The following CCDC12 variants were observed in gnomAD, a reference collection of about 807,000 sequenced individuals.
The protein encoded by CCDC12 is coiled-coil domain containing 12.
A neutral mutation model predicts 25.7 loss-of-function variants in CCDC12; 28 were observed. That is an observed-to-expected ratio of 1.09 (90% CI 0.81 to 1.50). CCDC12 has a LOEUF of 1.50. Among genes scored for constraint, CCDC12 ranks in the 40% most tolerant of loss-of-function variants. The probability of loss-of-function intolerance (pLI) is 0.00; values close to 1 mark genes in which losing one functional copy is unlikely to be tolerated. For missense variants in CCDC12, 198 were observed against 210.0 expected (o/e 0.94, Z 0.35); for synonymous variants, 75 against 87.7 (o/e 0.86, Z 0.81).
chr3:46,930,281 G>T (rs1432787276), intron 2 of CCDC12, among the ~76,000 whole-genome samples: 1 of 152,192 alleles, frequency 6.6e-6, no homozygotes, highest in African/African-American at 2.4e-5. Context: ...AACATAAAGA[G>T]GAAACAGGCA....
intron 2 of CCDC12, 50 bp downstream of exon 2, chr3:46,940,948 G>A (rs752437066): frequency 5.1e-5 from 80 of 1,566,962 alleles, no homozygotes; most frequent in East Asian, 2.9e-4. Context: ...CTGGGAGACC[G>A]ATGAGTGCTG....
At chr3:46,976,970 GA>G (rs60779232), upstream of CCDC12, 12,475 of 175,298 alleles carry the variant, frequency 0.071, 22 homozygotes, top group African/African-American at 0.094. Context: ...AAAAAAAAAA[GA>G]AAAAAAAAAA....
intron 2 of CCDC12, among the ~76,000 whole-genome samples, chr3:46,937,351 A>G (rs1056238438): frequency 6.6e-6 from 1 of 152,218 alleles, no homozygotes; most frequent in Non-Finnish European, 1.5e-5. Flanking sequence ...AAGGCAGGAC[A>G]GTGTTAGTTG....
At chr3:46,941,247 T>C (rs4682844) in intron 1 of CCDC12, among the ~76,000 whole-genome samples, 182 bp from the exon 2 acceptor site, 55,763 of 152,118 alleles carry the variant, frequency 0.37, 10,942 homozygotes, top group Middle Eastern at 0.55. Context: ...TGGAGCCTCA[T>C]TGCCTGTGCA....
At chr3:46,925,117 T>C (rs1299018766) in intron 3 of CCDC12, 3 of 451,632 alleles carry the variant, frequency 6.6e-6, no homozygotes, top group Non-Finnish European at 1.3e-5. Context: ...CACCCTGCCC[T>C]GCTGCCCAAG....
chr3:46,971,154 C>T lies in CCDC12; in HGVS notation c.96+5483G>A, dbSNP rs139701178. ...GGAACACTCTCCTTTCCAGCTACCT[C>T]GATGACCTTCTCCCACTTCCCCATC... On this transcript the variant is annotated intron_variant, in intron 1 of 6. Transcript: ENST00000683445. Among the ~76,000 whole-genome samples, 290 of 152,362 alleles carry T rather than the reference C, an allele frequency of 1.9e-3. 4 individuals are homozygous for T. The highest frequency in any genetic ancestry group is 6.7e-3 in the African/African-American group (278 of 41,580).
chr3:46,933,151 C>G (rs1388021976), intron 2 of CCDC12, among the ~76,000 whole-genome samples: 1 of 152,198 alleles, frequency 6.6e-6, no homozygotes, highest in Non-Finnish European at 1.5e-5. Flanking sequence ...CAGCCTACCC[C>G]ACAGTGGAGT....
At chr3:46,968,492 A>G (rs1176126730) in intron 1 of CCDC12, among the ~76,000 whole-genome samples, 1 of 152,188 alleles carries the variant, frequency 6.6e-6, no homozygotes, top group East Asian at 1.9e-4. Context: ...CGAGCTAGAC[A>G]CTTCATAGAC....
At chr3:46,978,955 C>T (rs986857379), upstream of CCDC12, among the ~76,000 whole-genome samples, 1 of 152,166 alleles carries the variant, frequency 6.6e-6, no homozygotes, top group African/African-American at 2.4e-5. Context: ...TGCACTCCAG[C>T]CTGGGCGACA....
intron 3 of CCDC12, among the ~76,000 whole-genome samples, chr3:46,924,699 T>A (rs555396647): frequency 7.8e-4 from 119 of 152,018 alleles, no homozygotes; most frequent in African/African-American, 2.8e-3. Flanking sequence ...AACACAAAAA[T>A]TAGCCAGGCG....
chr3:46,966,161 G>A (rs1559565053), intron 1 of CCDC12: 1 of 152,512 alleles, frequency 6.6e-6, no homozygotes, highest in Non-Finnish European at 1.5e-5. Context: ...ACAGGGGAGG[G>A]GGGAGTGTAC....
chr3:46,948,467 G>A (rs774746894), intron 1 of CCDC12, among the ~76,000 whole-genome samples: 1 of 152,218 alleles, frequency 6.6e-6, no homozygotes, highest in African/African-American at 2.4e-5. Context: ...GGGAGGAGCA[G>A]AAACAACTGA....
At chr3:46,941,331 G>A (rs1422293440) in intron 1 of CCDC12, among the ~76,000 whole-genome samples, 1 of 152,184 alleles carries the variant, frequency 6.6e-6, no homozygotes, top group Non-Finnish European at 1.5e-5. Context: ...AGGAGGCCGA[G>A]GTGGGCGGAT....
intron 1 of CCDC12, among the ~76,000 whole-genome samples, chr3:46,965,209 A>G (rs1342949307): frequency 6.6e-6 from 1 of 152,198 alleles, no homozygotes; most frequent in Non-Finnish European, 1.5e-5. Flanking sequence ...AGCTAACAGA[A>G]AGATTAAAAA....
intron 2 of CCDC12, among the ~76,000 whole-genome samples, chr3:46,929,274 G>A (rs1464798912): frequency 2.0e-5 from 3 of 152,084 alleles, no homozygotes; most frequent in African/African-American, 7.2e-5. Flanking sequence ...GAAGAAAGTG[G>A]AATAATTAAA....
At chr3:46,976,567 T>G (rs1236895642) in intron 1 of CCDC12, 70 bp downstream of exon 1, 1 of 1,548,786 alleles carries the variant, frequency 6.5e-7, no homozygotes, top group Non-Finnish European at 8.7e-7. Flanking sequence ...AGCCCTTTGC[T>G]CTCCTCAAGC....
rs563449357 is a variant in CCDC12 at position 46,964,218 on chromosome 3, G to A, written c.96+12419C>T. ...TGAGAAGTTAGGAGCCCCTCTGCCC[G>A]GCAGCTGCCCCGTCTGAGAAGTGAG... is the stretch of plus-strand genomic sequence containing the variant. On this transcript the variant is annotated intron_variant, in intron 1 of 6. Coordinates refer to ENST00000683445, the MANE Select transcript of CCDC12 (RefSeq NM_001277074.2). Among the ~76,000 whole-genome samples, 18 of 149,560 alleles carry A rather than the reference G, an allele frequency of 1.2e-4. 1 individual carries two copies. The highest frequency in any genetic ancestry group is 3.5e-3 in the Middle Eastern group (1 of 284).
At chr3:46,927,841 T>C (rs1297972020) in intron 2 of CCDC12, among the ~76,000 whole-genome samples, 1 of 152,174 alleles carries the variant, frequency 6.6e-6, no homozygotes, top group Non-Finnish European at 1.5e-5. Context: ...TCCAGTCCCC[T>C]TAGCGTGGAG....
intron 1 of CCDC12, among the ~76,000 whole-genome samples, chr3:46,958,700 G>A (rs1033538775): frequency 2.0e-5 from 3 of 151,952 alleles, no homozygotes; most frequent in Admixed American, 1.3e-4. Flanking sequence ...TGCCCACTCC[G>A]CGAAAGGAGG....
Sources: gnomAD v4.1 joint callset for allele counts (sites outside exome capture counted in the v4.1 genomes callset) on GRCh38, gnomAD v4.1.1 for gene constraint, MANE v1.5 for transcripts, NCBI Gene and HGNC (gene_info 2026-07-23, HGNC 2026-07-21) for gene names.